OSBPL8: variants seen among roughly 807,000 people sequenced by gnomAD.
OSBPL8 encodes the protein oxysterol binding protein like 8.
Under a neutral mutation model 125.5 loss-of-function variants are expected in OSBPL8, and 59 were observed. The observed-to-expected ratio is 0.47, with a 90% CI of 0.38 to 0.58. The LOEUF (loss-of-function observed/expected upper bound fraction) is 0.58. OSBPL8 is among the 20% of genes least tolerant of loss of function. OSBPL8 has a pLI of 0.00. For synonymous variants in OSBPL8, 330 were observed against 338.9 expected (o/e 0.97, Z 0.29); for missense variants, 758 against 1,047.8 (o/e 0.72, Z 3.82).
At chr12:76,437,144 G>A (rs374528779) in intron 4 of OSBPL8, among the ~76,000 whole-genome samples, 6 of 152,104 alleles carry the variant, frequency 3.9e-5, no homozygotes, top group Non-Finnish European at 8.8e-5. Flanking sequence ...TGGTACATGC[G>A]TGAGAGTATT....
intron 4 of OSBPL8, among the ~76,000 whole-genome samples, chr12:76,446,395 G>A (rs1872723393): frequency 6.6e-6 from 1 of 152,084 alleles, no homozygotes; most frequent in Admixed American, 6.6e-5. Context: ...TAAACCAGAG[G>A]AAGGTATTTT....
rs76006276 is a variant in OSBPL8, at chr12:76,409,871, T to C, written c.288+693A>G. 6.4e-3 allele frequency among the ~76,000 whole-genome samples: 975 copies of C among 152,282 alleles called. 5 individuals are homozygous for C. The highest frequency in any genetic ancestry group is 0.02 in the Middle Eastern group (6 of 294). On this transcript the variant is annotated intron_variant, in intron 5 of 23. Transcript: ENST00000261183. Reference sequence around the variant, plus strand: ...ATTCAGTCTTTAGAAACAGTTATCTTACAGTCATTGAAGTTTGATTCCATA... The same window carrying C: ...ATTCAGTCTTTAGAAACAGTTATCTCACAGTCATTGAAGTTTGATTCCATA...
intron 1 of OSBPL8, among the ~76,000 whole-genome samples, chr12:76,524,104 T>C (rs1950097673): frequency 6.6e-6 from 1 of 152,092 alleles, no homozygotes; most frequent in Non-Finnish European, 1.5e-5. Context: ...AGAGAAAAAA[T>C]GGCACTAAGA....
intron 1 of OSBPL8, among the ~76,000 whole-genome samples, chr12:76,548,248 T>C (rs567211240): frequency 6.6e-6 from 1 of 151,876 alleles, no homozygotes; most frequent in Non-Finnish European, 1.5e-5. Context: ...TTCTGGGAAA[T>C]GAAAGTATAT....
intron 2 of OSBPL8, among the ~76,000 whole-genome samples, chr12:76,482,340 G>A (rs892866455): frequency 6.6e-6 from 1 of 152,210 alleles, no homozygotes; most frequent in Admixed American, 6.5e-5. Flanking sequence ...TAGGCCAGGT[G>A]CAGTGGCTCA....
chr12:76,538,646 T>C (rs527301820), intron 1 of OSBPL8, among the ~76,000 whole-genome samples: 73 of 152,146 alleles, frequency 4.8e-4, no homozygotes, highest in Non-Finnish European at 8.8e-4. Context: ...ATGGGACATC[T>C]ATATTATTCA....
chr12:76,456,734 A>T (rs2136789341), intron 3 of OSBPL8, among the ~76,000 whole-genome samples: 1 of 152,340 alleles, frequency 6.6e-6, no homozygotes. Context: ...TGTATGTATT[A>T]CATATTGTAT....
chr12:76,430,711 CA>C (rs1468539973), intron 4 of OSBPL8, among the ~76,000 whole-genome samples: 3 of 152,122 alleles, frequency 2.0e-5, no homozygotes, highest in African/African-American at 7.2e-5. Flanking sequence ...GGCCAGAAGA[CA>C]GTAGAATGAT....
chr12:76,352,139 A>C lies in OSBPL8; in HGVS notation c.*3750T>G, dbSNP rs1592496938. On this transcript the variant is annotated 3_prime_UTR_variant, in exon 24 of 24. Coordinates refer to ENST00000261183, the MANE Select transcript of OSBPL8 (RefSeq NM_020841.5). ...TTTAGCATGCTAAAAAGTGAAAAAA[A>C]TTTCAACTGAAGTTCTGTGGCTCAT... 1 of 152,720 alleles carries C rather than the reference A, an allele frequency of 6.5e-6. No individual in the cohort carries two copies. Among genetic ancestry groups the C allele is most frequent in the Middle Eastern group, 3.4e-3 (1 of 294 alleles). 9.5% of individuals were successfully genotyped at this position (152,720 alleles called of 1,614,324 possible). A position where few individuals can be genotyped will look rare whatever the true frequency, so the allele number is the denominator to read the frequency against.
At chr12:76,506,796 C>A (rs1880463483) in intron 1 of OSBPL8, among the ~76,000 whole-genome samples, 1 of 152,258 alleles carries the variant, frequency 6.6e-6, no homozygotes, top group South Asian at 2.1e-4. Flanking sequence ...CCAATCTCTT[C>A]ATCCTTTAGA....
At chr12:76,429,698 G>C (rs1870583758) in intron 4 of OSBPL8, among the ~76,000 whole-genome samples, 2 of 152,050 alleles carry the variant, frequency 1.3e-5, no homozygotes, top group African/African-American at 2.4e-5. Context: ...GAGTATTCTT[G>C]TTTTATGTAT....
chr12:76,415,711 C>A (rs1868560208), intron 4 of OSBPL8, among the ~76,000 whole-genome samples: 2 of 152,166 alleles, frequency 1.3e-5, no homozygotes. Context: ...ATGTTTAATA[C>A]ATGGCTCCAA....
chr12:76,412,119 T>C (rs1363631553), intron 4 of OSBPL8, among the ~76,000 whole-genome samples: 2 of 152,096 alleles, frequency 1.3e-5, no homozygotes, highest in Non-Finnish European at 2.9e-5. Flanking sequence ...CCACTTCAAA[T>C]GGCTATTAAG....
chr12:76,447,482 C>T (rs1315399673), intron 4 of OSBPL8, among the ~76,000 whole-genome samples: 2 of 152,110 alleles, frequency 1.3e-5, no homozygotes, highest in Non-Finnish European at 2.9e-5. Flanking sequence ...TTAAGTAATA[C>T]CGCAAAGATG....
intron 9 of OSBPL8, among the ~76,000 whole-genome samples, chr12:76,393,158 A>T (rs1341019694): frequency 3.9e-5 from 6 of 152,250 alleles, no homozygotes; most frequent in Non-Finnish European, 8.8e-5. Flanking sequence ...CAAGATTAAC[A>T]ACCATTCTAC....
Position 76,508,183 on chromosome 12 carries a change from AG to A in OSBPL8, c.-67-20566del, listed in dbSNP as rs1880613961. 3.9e-5 allele frequency among the ~76,000 whole-genome samples: 6 copies of A among 152,268 alleles called. No individual in the cohort carries two copies. The South Asian group carries it at 1.2e-3, about 32-fold the overall frequency. On this transcript the variant is annotated intron_variant, in intron 1 of 23. Transcript: ENST00000261183. ...AAGACTCCATCTCAAAAAAAAAAAAAGAAGAATATTACTGGAAGACAACACT... is the reference window on the plus strand; with the variant it reads ...AAGACTCCATCTCAAAAAAAAAAAAAAAGAATATTACTGGAAGACAACACT...
chr12:76,471,509 C>T (rs1383719128), intron 2 of OSBPL8, among the ~76,000 whole-genome samples: 1 of 152,128 alleles, frequency 6.6e-6, no homozygotes, highest in East Asian at 1.9e-4. Context: ...CATATTTACC[C>T]TTTATTTCTC....
At chr12:76,552,428 CAAAAAAAAAAAAAAA>C (rs55942644) in intron 1 of OSBPL8, among the ~76,000 whole-genome samples, 2 of 54,858 alleles carry the variant, frequency 3.6e-5, no homozygotes, top group Non-Finnish European at 6.5e-5. Flanking sequence ...CCCATGTCTC[CAAAAAAAAAAAAAAA>C]AAAAAAAAAA....
intron 1 of OSBPL8, 34 bp from the exon 2 acceptor site, chr12:76,487,652 T>A: frequency 1.2e-6 from 1 of 806,674 alleles, no homozygotes; most frequent in Non-Finnish European, 1.8e-6. Flanking sequence ...TTAGGACTGG[T>A]ATAAAACTGT....
Sources: gnomAD v4.1 joint callset for allele counts (sites outside exome capture counted in the v4.1 genomes callset) on GRCh38, gnomAD v4.1.1 for gene constraint, MANE v1.5 for transcripts, NCBI Gene and HGNC (gene_info 2026-07-23, HGNC 2026-07-21) for gene names.